SRGAP2B: variants seen among roughly 807,000 people sequenced by gnomAD.
The protein encoded by SRGAP2B is SLIT-ROBO Rho GTPase-activating protein 2B.
SRGAP2B carries 9 observed loss-of-function variants against 22.2 expected under a neutral mutation model. The ratio of observed to expected loss-of-function variants is 0.41; its 90% CI spans 0.24 to 0.71. SRGAP2B has a LOEUF of 0.71. Among genes scored for constraint, SRGAP2B ranks in the 30% least tolerant of loss-of-function variants. SRGAP2B has a pLI of 0.35. For missense variants in SRGAP2B, 114 were observed against 235.8 expected (o/e 0.48, Z 3.38); for synonymous variants, 36 against 87.4 (o/e 0.41, Z 3.28).
intron 2 of SRGAP2B, among the ~76,000 whole-genome samples, chr1:145,022,612 C>T (rs6600717): frequency 1.0e-4 from 15 of 149,798 alleles, no homozygotes; most frequent in South Asian, 2.1e-4. Context: ...TTTTTACCAA[C>T]ACACACAAAT....
At chr1:144,990,627 C>T (rs1320501437) in intron 3 of SRGAP2B, among the ~76,000 whole-genome samples, 1 of 145,690 alleles carries the variant, frequency 6.9e-6, no homozygotes, top group Non-Finnish European at 1.5e-5. Context: ...CCCACTCCCT[C>T]AGCTTGCAGG....
intron 4 of SRGAP2B, among the ~76,000 whole-genome samples, chr1:144,950,758 C>T (rs1483282325): frequency 1.3e-5 from 2 of 150,204 alleles, no homozygotes; most frequent in African/African-American, 2.5e-5. Context: ...TTAGAGAATC[C>T]TAATACAGTA....
chr1:144,971,691 C>T lies in SRGAP2B; in HGVS notation c.261-16090G>A, dbSNP rs1230352373. 4.0e-5 allele frequency among the ~76,000 whole-genome samples: 6 copies of T among 150,664 alleles called. 1 individual carries two copies. The highest frequency in any genetic ancestry group is 2.1e-4 in the South Asian group (1 of 4,800). ...TGCCTAATGTAGCTGAGACTTTAAA[C>T]GAAAGAATCATGTGCAAAGAGAAAA... On this transcript the variant is annotated intron_variant, in intron 3 of 9. Transcript: ENST00000612199.
chr1:144,971,684 C>G (rs1485338043), intron 3 of SRGAP2B, among the ~76,000 whole-genome samples: 6 of 150,760 alleles, frequency 4.0e-5, no homozygotes, highest in Non-Finnish European at 5.9e-5. Context: ...GTAGCTGAGA[C>G]TTTAAACGAA....
At chr1:144,993,463 G>A (rs1166427541) in intron 3 of SRGAP2B, among the ~76,000 whole-genome samples, 1 of 150,554 alleles carries the variant, frequency 6.6e-6, no homozygotes, top group African/African-American at 2.5e-5. Flanking sequence ...CACTTTGGAA[G>A]GATGAGGTGG....
At chr1:144,985,637 C>T (rs1669655830) in intron 3 of SRGAP2B, among the ~76,000 whole-genome samples, 1 of 150,516 alleles carries the variant, frequency 6.6e-6, no homozygotes, top group Non-Finnish European at 1.5e-5. Flanking sequence ...CTTCAAGGAG[C>T]CAAAGAAAAT....
At chr1:144,940,578 C>T (rs1553607204) in intron 4 of SRGAP2B, among the ~76,000 whole-genome samples, 1 of 141,510 alleles carries the variant, frequency 7.1e-6, no homozygotes, top group Non-Finnish European at 1.5e-5. Context: ...GCAGGCAGAT[C>T]ACTTGAGTTC....
chr1:144,952,619 G>C (rs1666961255), intron 4 of SRGAP2B, among the ~76,000 whole-genome samples: 2 of 149,896 alleles, frequency 1.3e-5, no homozygotes, highest in Non-Finnish European at 2.9e-5. Context: ...GCCCAGGCTG[G>C]AGTGCAGTGG....
chr1:144,979,839 C>T (rs587643083), intron 3 of SRGAP2B, among the ~76,000 whole-genome samples: 12 of 151,710 alleles, frequency 7.9e-5, no homozygotes, highest in African/African-American at 2.4e-4. Context: ...CAGCACCATG[C>T]CTCCTGTACA....
intron 5 of SRGAP2B, among the ~76,000 whole-genome samples, chr1:144,913,038 A>T (rs1663531662): frequency 7.1e-6 from 1 of 140,446 alleles, no homozygotes; most frequent in Non-Finnish European, 1.5e-5. Flanking sequence ...CAGACCAGAG[A>T]AATAAGTTCC....
chr1:144,914,148 T>A lies in SRGAP2B; in HGVS notation c.486+544A>T, dbSNP rs1334048665. On this transcript the variant is annotated intron_variant, in intron 5 of 9. Transcript: ENST00000612199. ...CCCGCAGCCTGCCTCGTCACTGAGG[T>A]TTGGCTTTATAAAACTCCAGGAAGC... 2.0e-5 allele frequency among the ~76,000 whole-genome samples: 3 copies of A among 151,770 alleles called. No individual in the cohort carries two copies. In the East Asian group the frequency reaches 5.8e-4, roughly 29 times the overall value.
chr1:144,975,868 C>CTTTTTT (rs56268353), intron 3 of SRGAP2B, among the ~76,000 whole-genome samples: 17 of 27,334 alleles, frequency 6.2e-4, no homozygotes, highest in African/African-American at 8.5e-4. Context: ...GTTAGTAATT[C>CTTTTTT]TTTTTTTTTT....
At position 144,947,806 on chromosome 1, in the gene SRGAP2B, T is replaced by C. The variant is rs375886731; in HGVS notation, c.423+7633A>G. On this transcript the variant is annotated intron_variant, in intron 4 of 9. Coordinates refer to ENST00000612199, the Ensembl canonical transcript of SRGAP2B. ...GACAGGATCTTAGGGCATCAGATAT[T>C]CTCTGTGCTCTGCAGTTTCCCCAAG... Among the ~76,000 whole-genome samples, 298 of 57,822 alleles carry C rather than the reference T, an allele frequency of 5.2e-3. 1 individual carries two copies. The highest frequency in any genetic ancestry group is 0.021 in the African/African-American group (271 of 12,746). 37.9% of individuals were successfully genotyped at this position (57,822 alleles called of 152,430 possible).
intron 2 of SRGAP2B, among the ~76,000 whole-genome samples, chr1:144,997,582 A>G (rs1240405866): frequency 6.7e-6 from 1 of 150,242 alleles, no homozygotes; most frequent in Non-Finnish European, 1.5e-5. Flanking sequence ...AATTTACCTC[A>G]GTAATCTCAC....
In SRGAP2B at chr1:144,974,052, G is replaced by A. The variant is rs1173446154; in HGVS notation, c.261-18451C>T. On this transcript the variant is annotated intron_variant, in intron 3 of 9. Coordinates refer to ENST00000612199, the Ensembl canonical transcript of SRGAP2B. Reference sequence around the variant, plus strand: ...ATAAGGTCCCTAGTCCTAGATGGAAGATTTTAAAAGGGTATAAACGTCTAG... The same window carrying A: ...ATAAGGTCCCTAGTCCTAGATGGAAAATTTTAAAAGGGTATAAACGTCTAG... Among the ~76,000 whole-genome samples the A allele has an allele frequency of 3.3e-5, 5 of 151,070 alleles. 2 individuals carry two copies. The highest frequency in any genetic ancestry group is 1.2e-4 in the African/African-American group (5 of 40,486).
rs1475391095 is a variant in SRGAP2B at position 144,964,979 on chromosome 1, G to A, written c.261-9378C>T. The A allele has an allele frequency of 5.6e-6, 8 of 1,438,864 alleles. No individual in the cohort carries two copies. In the Middle Eastern group the frequency reaches 9.8e-4, roughly 176 times the overall value. The allele number at this position is 1,438,864 out of a possible 1,614,324, so 89.1% of individuals were successfully genotyped here. A position where few individuals can be genotyped will look rare whatever the true frequency, so the allele number is the denominator to read the frequency against. ...ACACAGAGCCGCGCCGCCTGCACCAGAGACCTTCGCCTCGCCCCGCCGGTT... is the reference window on the plus strand; with the variant it reads ...ACACAGAGCCGCGCCGCCTGCACCAAAGACCTTCGCCTCGCCCCGCCGGTT... On this transcript the variant is annotated intron_variant, in intron 3 of 9. Transcript: ENST00000612199.
intron 6 of SRGAP2B, 27 bp from the exon 7 acceptor site, chr1:144,905,246 T>C (rs1416546490): frequency 1.3e-6 from 1 of 759,540 alleles, no homozygotes; most frequent in East Asian, 2.4e-5. Flanking sequence ...AGTTCACTTT[T>C]ACCTTTTTTT....
chr1:144,980,718 C>G (rs1553614982), intron 3 of SRGAP2B, among the ~76,000 whole-genome samples: 1 of 149,582 alleles, frequency 6.7e-6, no homozygotes, highest in African/African-American at 2.5e-5. Flanking sequence ...AACCCAAATC[C>G]TACTTTTTTT....
intron 4 of SRGAP2B, among the ~76,000 whole-genome samples, chr1:144,930,746 G>A (rs587700421): frequency 1.1e-4 from 17 of 148,846 alleles, no homozygotes; most frequent in African/African-American, 3.0e-4. Context: ...GTGGCCATAC[G>A]CTGTTCATTT....
Sources: allele counts gnomAD v4.1 joint callset (sites outside exome capture counted in the v4.1 genomes callset), GRCh38; gene constraint gnomAD v4.1.1; transcripts MANE v1.5; gene names NCBI Gene and HGNC (gene_info 2026-07-23, HGNC 2026-07-21).